RBFOX1: variants seen among roughly 807,000 people sequenced by gnomAD.
The protein encoded by RBFOX1 is RNA binding fox-1 homolog 1, also known as RNA binding protein fox-1 homolog 1.
RBFOX1 carries 8 observed loss-of-function variants against 57.7 expected under a neutral mutation model. The ratio of observed to expected loss-of-function variants is 0.14; its 90% confidence interval spans 0.08 to 0.25. RBFOX1 has a LOEUF of 0.25. RBFOX1 is among the 10% of genes least tolerant of loss of function. The pLI, the probability that RBFOX1 is intolerant of heterozygous loss-of-function variation, is 1.00. For missense variants in RBFOX1, 611 were observed against 548.5 expected (o/e 1.11, Z -1.14); for synonymous variants, 326 against 222.4 (o/e 1.47, Z -4.15).
intron 2 of RBFOX1, among the ~76,000 whole-genome samples, chr16:6,468,171 A>G (rs1299017396): frequency 6.6e-6 from 1 of 152,162 alleles, no homozygotes; most frequent in African/African-American, 2.4e-5. Flanking sequence ...CCTCCAGTAT[A>G]ATGGCAGGAG....
chr16:5,485,733 G>A (rs573120574), intron 2 of RBFOX1, among the ~76,000 whole-genome samples: 1 of 152,154 alleles, frequency 6.6e-6, no homozygotes, highest in Non-Finnish European at 1.5e-5. Context: ...CTATTTTAGG[G>A]CATTTCCTTA....
chr16:7,654,416 A>G (rs553521491), intron 12 of RBFOX1, among the ~76,000 whole-genome samples: 1 of 152,270 alleles, frequency 6.6e-6, no homozygotes, highest in African/African-American at 2.4e-5. Context: ...CTTTGCCTGC[A>G]AAGAGAAAAT....
intron 2 of RBFOX1, among the ~76,000 whole-genome samples, chr16:5,479,298 C>G (rs548122440): frequency 2.0e-5 from 3 of 152,328 alleles, no homozygotes; most frequent in East Asian, 1.9e-4. Context: ...TTGCTCATCT[C>G]TGTCCCTAGA....
chr16:7,465,015 C>T (rs944547306), intron 4 of RBFOX1, among the ~76,000 whole-genome samples: 6 of 151,942 alleles, frequency 3.9e-5, no homozygotes, highest in African/African-American at 1.2e-4. Flanking sequence ...TCTTCTATCC[C>T]TTGGAATTGC....
At chr16:7,422,838 G>C (rs1161676850) in intron 4 of RBFOX1, 2 of 152,072 alleles carry the variant, frequency 1.3e-5, no homozygotes, top group Non-Finnish European at 2.9e-5. Flanking sequence ...CATCCCCTTT[G>C]CCTTATTTTT....
intron 14 of RBFOX1, among the ~76,000 whole-genome samples, chr16:7,698,530 C>T (rs906942365): frequency 4.0e-5 from 6 of 151,874 alleles, no homozygotes; most frequent in Non-Finnish European, 7.4e-5. Flanking sequence ...CACTTCTCAA[C>T]CTACACATGC....
intron 3 of RBFOX1, among the ~76,000 whole-genome samples, chr16:5,824,977 T>C (rs1178511751): frequency 1.3e-5 from 2 of 152,206 alleles, no homozygotes; most frequent in Admixed American, 6.5e-5. Flanking sequence ...TCAACACTCT[T>C]ACTCCATCAG....
chr16:6,371,222 G>C (rs1245914014), intron 2 of RBFOX1, among the ~76,000 whole-genome samples: 1 of 152,104 alleles, frequency 6.6e-6, no homozygotes, highest in Non-Finnish European at 1.5e-5. Flanking sequence ...ATACCGATTT[G>C]TCATCAATCC....
chr16:6,414,886 C>T (rs2093577473), intron 2 of RBFOX1, among the ~76,000 whole-genome samples: 1 of 152,150 alleles, frequency 6.6e-6, no homozygotes, highest in African/African-American at 2.4e-5. Flanking sequence ...TATAGTCAGA[C>T]ATCCTGCAAG....
chr16:6,031,703 C>T (rs141468752), intron 1 of RBFOX1, among the ~76,000 whole-genome samples: 31 of 152,326 alleles, frequency 2.0e-4, no homozygotes, highest in African/African-American at 7.2e-4. Context: ...GAAGGAGCCA[C>T]GAACAGTATG....
chr16:5,955,908 T>A (rs891553101), intron 4 of RBFOX1, among the ~76,000 whole-genome samples: 25 of 152,194 alleles, frequency 1.6e-4, no homozygotes, highest in African/African-American at 5.8e-4. Context: ...AGCAAACACT[T>A]AAAAATGTGA....
At chr16:5,608,097 C>G (rs961027260) in intron 3 of RBFOX1, among the ~76,000 whole-genome samples, 1 of 152,102 alleles carries the variant, frequency 6.6e-6, no homozygotes, top group African/African-American at 2.4e-5. Flanking sequence ...CAAAAGTTGC[C>G]CAAAGTGGTT....
chr16:6,585,541 C>G (rs2097596929), intron 2 of RBFOX1, among the ~76,000 whole-genome samples: 1 of 152,154 alleles, frequency 6.6e-6, no homozygotes, highest in African/African-American at 2.4e-5. Flanking sequence ...GTCCTTGCCT[C>G]TGTGACTTTG....
chr16:6,348,225 A>C (rs1333061451), intron 2 of RBFOX1, among the ~76,000 whole-genome samples: 2 of 152,200 alleles, frequency 1.3e-5, no homozygotes, highest in Non-Finnish European at 2.9e-5. Context: ...ATCCAGGTTC[A>C]CACTCCAGCT....
intron 1 of RBFOX1, among the ~76,000 whole-genome samples, chr16:6,145,203 A>G (rs1355629781): frequency 6.6e-6 from 1 of 152,054 alleles, no homozygotes. Flanking sequence ...CCACCCTAGG[A>G]AAGGCCCTGG....
intron 3 of RBFOX1, among the ~76,000 whole-genome samples, chr16:6,923,397 G>C (rs1449453936): frequency 3.3e-5 from 5 of 152,144 alleles, no homozygotes; most frequent in African/African-American, 4.8e-5. Context: ...AGCAGGCATG[G>C]TGGGGAACAC....
At chr16:5,664,400 T>G (rs890181767) in intron 3 of RBFOX1, among the ~76,000 whole-genome samples, 1 of 151,982 alleles carries the variant, frequency 6.6e-6, no homozygotes, top group Non-Finnish European at 1.5e-5. Flanking sequence ...ATACAAAAAT[T>G]AGCTGGGCAC....
intron 1 of RBFOX1, among the ~76,000 whole-genome samples, chr16:6,222,045 C>A (rs2097377468): frequency 6.6e-6 from 1 of 152,090 alleles, no homozygotes; most frequent in Admixed American, 6.6e-5. Flanking sequence ...GCACAAGACA[C>A]CATATTTAAG....
chr16:7,371,062 C>G (rs558592385), intron 4 of RBFOX1, among the ~76,000 whole-genome samples: 8 of 152,336 alleles, frequency 5.3e-5, no homozygotes, highest in African/African-American at 1.7e-4. Flanking sequence ...CTCCTCTCCT[C>G]TAAGCACCTT....
Sources: gnomAD v4.1 joint callset for allele counts (sites outside exome capture counted in the v4.1 genomes callset) on GRCh38, gnomAD v4.1.1 for gene constraint, MANE v1.5 for transcripts, NCBI Gene and HGNC (gene_info 2026-07-23, HGNC 2026-07-21) for gene names.